Variants in TLR4 observed in about 807,000 individuals in gnomAD.
TLR4 encodes the protein toll like receptor 4.
Under a neutral mutation model 27.4 loss-of-function variants are expected in TLR4, and 17 were observed. The ratio of observed to expected loss-of-function variants is 0.62; its 90% CI spans 0.42 to 0.93. The LOEUF (loss-of-function observed/expected upper bound fraction) is 0.93, where lower values mean the gene tolerates loss of function less well. Among genes scored for constraint, TLR4 ranks in the 40% least tolerant of loss-of-function variants. TLR4 has a pLI of 0.00. For synonymous variants in TLR4, 363 were observed against 365.7 expected (o/e 0.99, Z 0.08); for missense variants, 926 against 962.3 (o/e 0.96, Z 0.50).
At chr9:117,712,274 C>A (rs1054805934) in intron 2 of TLR4, 115 bp from the exon 3 acceptor site, 2 of 1,069,940 alleles carry the variant, frequency 1.9e-6, no homozygotes, top group African/African-American at 1.6e-5. Flanking sequence ...TGCCTATGCA[C>A]AATCATATGA....
At position 117,712,535 on chromosome 9, in the gene TLR4, C is replaced by T; in HGVS notation, c.407C>T (p.Thr136Ile). The T allele has an allele frequency of 1.9e-6, 3 of 1,613,976 alleles. No homozygotes were observed. Among genetic ancestry groups the T allele is most frequent in the Non-Finnish European group, 2.5e-6 (3 of 1,179,950 alleles). Residue 136 changes from threonine (T) to isoleucine (I), a missense_variant, in exon 3 of 3, where the codon ACA becomes ATA. Physicochemically the swap from Thr to Ile is moderately conservative, Grantham distance 89 (BLOSUM62 -1). Coordinates refer to ENST00000355622, the MANE Select transcript of TLR4 (RefSeq NM_138554.5). ...TTACAGAAGCTGGTGGCTGTGGAGA[C>T]AAATCTAGCATCTCTAGAGAACTTC... ...SSLQKLVAVE[T>I]NLASLENFPI...
At position 117,716,308 on chromosome 9, in the gene TLR4, C is replaced by G. The variant is rs1829346414; in HGVS notation, c.*1660C>G. 1 of 152,048 alleles carries G rather than the reference C, an allele frequency of 6.6e-6. No individual in the cohort carries two copies. The highest frequency in any genetic ancestry group is 6.6e-5 in the Admixed American group (1 of 15,260). 9.4% of individuals were successfully genotyped at this position (152,048 alleles called of 1,614,324 possible). A position where few individuals can be genotyped will look rare whatever the true frequency, so the allele number is the denominator to read the frequency against. ...ATCACTGTTTCCAAAGTTATGGAAA[C>G]AACCCAAATTTCCATTGAAAAATAA... On this transcript the variant is annotated 3_prime_UTR_variant, in exon 3 of 3. Transcript: ENST00000355622.
In TLR4 at chr9:117,715,487, G is replaced by A. The variant is rs1829328709; in HGVS notation, c.*839G>A. 6.6e-6 allele frequency: 1 copy of A among 152,102 alleles called. No homozygotes were observed. The highest frequency in any genetic ancestry group is 2.4e-5 in the African/African-American group (1 of 41,424). 9.4% of individuals were successfully genotyped at this position (152,102 alleles called of 1,614,324 possible). ...CATGAAAGCAGCATTGAAATAATTT[G>A]TTTAAAGGGGGCACTCTTTTAAACG... is the stretch of plus-strand genomic sequence containing the variant. On this transcript the variant is annotated 3_prime_UTR_variant, in exon 3 of 3. Coordinates refer to ENST00000355622, the MANE Select transcript of TLR4 (RefSeq NM_138554.5).
Position 117,712,928 on chromosome 9 carries a change from G to A in TLR4, c.800G>A (p.Gly267Glu). ...RLVLGEFRNE[G>E]NLEKFDKSAL... ...GTTCTGGGAGAATTTAGAAATGAAG[G>A]AAACTTGGAAAAGTTTGACAAATCT... Residue 267 changes from glycine (G) to glutamate (E), a missense_variant, in exon 3 of 3, where the codon GGA becomes GAA. Gly to Glu is a moderately conservative substitution (Grantham distance 98). Coordinates refer to ENST00000355622, the MANE Select transcript of TLR4 (RefSeq NM_138554.5). 1 of 1,614,100 alleles carries A rather than the reference G, an allele frequency of 6.2e-7. No individual in the cohort carries two copies. Among genetic ancestry groups the A allele is most frequent in the South Asian group, 1.1e-5 (1 of 91,080 alleles).
intron 2 of TLR4, 31 bp from the exon 3 acceptor site, chr9:117,712,358 T>C: frequency 1.3e-6 from 2 of 1,593,646 alleles, no homozygotes; most frequent in Middle Eastern, 3.3e-4. Flanking sequence ...AGCAGAAATA[T>C]TAGATAATCA....
chr9:117,708,642 A>ACC lies in TLR4; in HGVS notation c.174_175dup (p.Leu59ProfsTer4). On this transcript the variant is annotated frameshift_variant, in exon 2 of 3. Coordinates refer to ENST00000355622, the MANE Select transcript of TLR4 (RefSeq NM_138554.5). LOFTEE classifies it high-confidence loss of function. Reference sequence around the variant, plus strand: ...GACAACCTCCCCTTCTCAACCAAGAACCTGGACCTGAGCTTTAATCCCCTG... The same window carrying ACC: ...GACAACCTCCCCTTCTCAACCAAGAACCCCTGGACCTGAGCTTTAATCCCCTG... The ACC allele has an allele frequency of 1.2e-6, 2 of 1,613,990 alleles. No homozygotes were observed.
At chr9:117,708,507 G>A in intron 1 of TLR4, 56 bp from the exon 2 acceptor site, 3 of 1,611,782 alleles carry the variant, frequency 1.9e-6, no homozygotes, top group Non-Finnish European at 2.5e-6. Flanking sequence ...GTCTAGGAGA[G>A]GGGAGTTGGG....
rs1280240965 is a variant in TLR4 at position 117,713,732 on chromosome 9, T to G, written c.1604T>G (p.Leu535Trp). ...ATGAGCCACAACAACTTCTTTTCAT[T>G]GGATACGTTTCCTTATAAGTGTCTG... ...LNMSHNNFFS[L>W]DTFPYKCLNS... Residue 535 changes from leucine to tryptophan, a missense_variant, in exon 3 of 3, where the codon TTG (leucine) becomes TGG (tryptophan). Leu to Trp is a moderately conservative substitution (Grantham distance 61, BLOSUM62 -2). Coordinates refer to ENST00000355622, the MANE Select transcript of TLR4 (RefSeq NM_138554.5). 6.2e-7 allele frequency: 1 copy of G among 1,614,028 alleles called. No individual in the cohort carries two copies. Among genetic ancestry groups the G allele is most frequent in the Non-Finnish European group, 8.5e-7 (1 of 1,180,006 alleles).
At position 117,715,060 on chromosome 9, in the gene TLR4, T is replaced by A. The variant is rs1458249683; in HGVS notation, c.*412T>A. 4.8e-6 allele frequency: 1 copy of A among 208,964 alleles called. No individual in the cohort carries two copies. The highest frequency in any genetic ancestry group is 2.3e-5 in the African/African-American group (1 of 43,064). The allele number at this position is 208,964 out of a possible 1,614,324, so 12.9% of individuals were successfully genotyped here. A position where few individuals can be genotyped will look rare whatever the true frequency, so the allele number is the denominator to read the frequency against. On this transcript the variant is annotated 3_prime_UTR_variant, in exon 3 of 3. Transcript: ENST00000355622. ...CTGAACTGGGTGTTCACTTTTTCCT[T>A]TTTGATTGAATACAATTTAAATTCT...
At chr9:117,712,269 A>G (rs1588094085) in intron 2 of TLR4, 120 bp from the exon 3 acceptor site, 2 of 1,003,520 alleles carry the variant, frequency 2.0e-6, no homozygotes, top group Non-Finnish European at 1.5e-6. Context: ...GTCTTTGCCT[A>G]TGCACAATCA....
At position 117,717,653 on chromosome 9, in the gene TLR4, T is replaced by C. The variant is rs1485644268; in HGVS notation, c.*3005T>C. 6 of 152,152 alleles carry C rather than the reference T, an allele frequency of 3.9e-5. No homozygotes were observed. The highest frequency in any genetic ancestry group is 8.8e-5 in the Non-Finnish European group (6 of 68,012). The allele number at this position is 152,152 out of a possible 1,614,324, so 9.4% of individuals were successfully genotyped here. A position where few individuals can be genotyped will look rare whatever the true frequency, so the allele number is the denominator to read the frequency against. ...ATGCTTGAAAATGTATGATTTTGTGTATATCCGTGCTACATGTAAGTGTGG... is the reference window on the plus strand; with the variant it reads ...ATGCTTGAAAATGTATGATTTTGTGCATATCCGTGCTACATGTAAGTGTGG... On this transcript the variant is annotated 3_prime_UTR_variant, in exon 3 of 3. Transcript: ENST00000355622.
chr9:117,718,958 T>C lies in TLR4; in HGVS notation c.*4310T>C, dbSNP rs1198491521. ...CTTCTTCTGGACTCTATAAACTTTT[T>C]AGAAATCATCAGCAGGCTCCTGGAG... is the stretch of plus-strand genomic sequence containing the variant. On this transcript the variant is annotated 3_prime_UTR_variant, in exon 3 of 3. Transcript: ENST00000355622. The C allele has an allele frequency of 6.6e-6, 1 of 152,190 alleles. No individual in the cohort carries two copies. The highest frequency in any genetic ancestry group is 1.5e-5 in the Non-Finnish European group (1 of 68,026). 9.4% of individuals were successfully genotyped at this position (152,190 alleles called of 1,614,324 possible). A position where few individuals can be genotyped will look rare whatever the true frequency, so the allele number is the denominator to read the frequency against.
Position 117,723,800 on chromosome 9 carries a change from C to T in TLR4, c.*9152C>T, listed in dbSNP as rs890014073. Reference sequence around the variant, plus strand: ...GAGAAGAATACAGTTTCTCTAAACTCAAGCACTTTTGTGGACTAATCCTTG... The same window carrying T: ...GAGAAGAATACAGTTTCTCTAAACTTAAGCACTTTTGTGGACTAATCCTTG... On this transcript the variant is annotated 3_prime_UTR_variant, in exon 3 of 3. Coordinates refer to ENST00000355622, the MANE Select transcript of TLR4 (RefSeq NM_138554.5). 1.3e-5 allele frequency: 2 copies of T among 152,174 alleles called. No homozygotes were observed. The highest frequency in any genetic ancestry group is 2.9e-5 in the Non-Finnish European group (2 of 68,040). The allele number at this position is 152,174 out of a possible 1,614,324, so 9.4% of individuals were successfully genotyped here. A position where few individuals can be genotyped will look rare whatever the true frequency, so the allele number is the denominator to read the frequency against.
At position 117,708,149 on chromosome 9, in the gene TLR4, G is replaced by T. The variant is rs767001706; in HGVS notation, c.94-414G>T. 6.4e-4 allele frequency: 639 copies of T among 992,578 alleles called. 1 individual carries two copies. Among genetic ancestry groups the T allele is most frequent in the Middle Eastern group, 1.0e-3 (2 of 1,958 alleles). The allele number at this position is 992,578 out of a possible 1,614,324, so 61.5% of individuals were successfully genotyped here. On this transcript the variant is annotated intron_variant, in intron 1 of 2. Transcript: ENST00000355622. The stretch of plus-strand genomic sequence containing the variant: ...TACATTTTACATATGATAAAATGAG[G>T]CTCACTGAGGTTTTTCTTTTGTTCG...
intron 1 of TLR4, 120 bp downstream of exon 1, chr9:117,704,685 T>G: frequency 1.2e-6 from 1 of 857,394 alleles, no homozygotes; most frequent in Non-Finnish European, 1.9e-6. Flanking sequence ...CCTTAAAGAC[T>G]CAAGAAGCCA....
rs763846185 is a variant in TLR4, at chr9:117,712,713, G to T, written c.585G>T (p.Leu195Phe). The T allele has an allele frequency of 6.2e-7, 1 of 1,614,036 alleles. No individual in the cohort carries two copies. Among genetic ancestry groups the T allele is most frequent in the South Asian group, 1.1e-5 (1 of 91,066 alleles). ...TTCAAAGTATTTATTGCACAGACTT[G>T]CGGGTTCTACATCAAATGCCCCTAC... ...NKIQSIYCTD[L>F]RVLHQMPLLN... is the part of the protein sequence containing the mutation. Residue 195 changes from leucine to phenylalanine, a missense_variant, in exon 3 of 3, where the codon TTG becomes TTT. Transcript: ENST00000355622.
intron 1 of TLR4, among the ~76,000 whole-genome samples, chr9:117,707,787 A>C (rs1588092316): frequency 2.0e-5 from 3 of 152,332 alleles, no homozygotes; most frequent in Admixed American, 2.0e-4. Flanking sequence ...AAAAGAATGC[A>C]GTTGTCAAAA....
chr9:117,713,573 C>G lies in TLR4; in HGVS notation c.1445C>G (p.Ser482Cys). Residue 482 changes from serine (S) to cysteine (C), a missense_variant, in exon 3 of 3, where the codon TCT (serine) becomes TGT (cysteine). Ser to Cys is a moderately radical substitution (Grantham distance 112, BLOSUM62 -1). Transcript: ENST00000355622. ...SLEVLKMAGN[S>C]FQENFLPDIF... is the part of the protein sequence containing the mutation. The stretch of plus-strand genomic sequence containing the variant: ...GAAGTCTTGAAAATGGCTGGCAATT[C>G]TTTCCAGGAAAACTTCCTTCCAGAT... The G allele has an allele frequency of 1.2e-6, 2 of 1,614,022 alleles. No individual in the cohort carries two copies. The highest frequency in any genetic ancestry group is 1.7e-6 in the Non-Finnish European group (2 of 1,179,998).
At position 117,713,822 on chromosome 9, in the gene TLR4, A is replaced by G; in HGVS notation, c.1694A>G (p.Gln565Arg). 1 of 1,614,060 alleles carries G rather than the reference A, an allele frequency of 6.2e-7. No homozygotes were observed. The highest frequency in any genetic ancestry group is 1.1e-5 in the South Asian group (1 of 91,086). Residue 565 changes from glutamine (Q) to arginine (R), a missense_variant, in exon 3 of 3, where the codon CAG becomes CGG. By Grantham distance (43) the Gln-to-Arg change is conservative. Transcript: ENST00000355622. ...ATGACTTCCAAAAAACAGGAACTAC[A>G]GCATTTTCCAAGTAGTCTAGCTTTC... ...HIMTSKKQEL[Q>R]HFPSSLAFLN... is the part of the protein sequence containing the mutation.
Sources: gnomAD v4.1 joint callset for allele counts (sites outside exome capture counted in the v4.1 genomes callset) on GRCh38, gnomAD v4.1.1 for gene constraint, MANE v1.5 for transcripts, NCBI Gene and HGNC (gene_info 2026-07-23, HGNC 2026-07-21) for gene names.